RYR1: variants seen among roughly 807,000 people sequenced by gnomAD.
The protein encoded by RYR1 is ryanodine receptor 1.
Under a neutral mutation model 583.5 loss-of-function variants are expected in RYR1, and 342 were observed. The ratio of observed to expected loss-of-function variants is 0.59; its 90% CI spans 0.54 to 0.64. The LOEUF (loss-of-function observed/expected upper bound fraction) is 0.64, where lower values mean the gene tolerates loss of function less well. Among genes scored for constraint, RYR1 ranks in the 30% least tolerant of loss-of-function variants. The probability of loss-of-function intolerance (pLI) is 0.00; values close to 1 mark genes in which losing one functional copy is unlikely to be tolerated. For synonymous variants in RYR1, 2,791 were observed against 2,822.5 expected (o/e 0.99, Z 0.35); for missense variants, 6,032 against 6,917.2 (o/e 0.87, Z 4.54).
At chr19:38,562,080 C>G (rs1216263375) in intron 90 of RYR1, among the ~76,000 whole-genome samples, 2 of 151,788 alleles carry the variant, frequency 1.3e-5, no homozygotes, top group Non-Finnish European at 2.9e-5. Context: ...CCTGAGGATG[C>G]CAATGAGCCC....
chr19:38,440,664 T>TG (rs1972628644), intron 1 of RYR1, 81 bp from the exon 2 acceptor site: 2 of 1,534,212 alleles, frequency 1.3e-6, no homozygotes, highest in African/African-American at 2.7e-5. Flanking sequence ...AGGACCAGGG[T>TG]GGGAGGAGGG....
chr19:38,478,642 C>A, intron 31 of RYR1, 42 bp downstream of exon 31: 1 of 1,599,802 alleles, frequency 6.3e-7, no homozygotes, highest in Non-Finnish European at 8.5e-7. Flanking sequence ...CATCATGTCC[C>A]AGCATCCCAG....
chr19:38,469,076 T>C lies in RYR1; in HGVS notation c.3492T>C (p.Asn1164=). The C allele has an allele frequency of 1.2e-6, 2 of 1,614,172 alleles. No homozygotes were observed. The highest frequency in any genetic ancestry group is 8.5e-7 in the Non-Finnish European group (1 of 1,180,024). The change falls in exon 26 of 106, where the codon AAT becomes AAC. Residue 1164 remains asparagine, a synonymous_variant. Transcript: ENST00000359596. ...LTENTIIFTL[N]GEVLMSDSGS... ...AGAACACCATTATCTTCACCCTCAA[T>C]GGCGAGGTCCTCATGTCTGACTCAG...
chr19:38,489,968 C>A, intron 35 of RYR1, 108 bp from the exon 36 acceptor site: 1 of 1,160,820 alleles, frequency 8.6e-7, no homozygotes. Context: ...ATGATTTTGG[C>A]TGGACCTGGG....
chr19:38,506,712 G>T, intron 56 of RYR1, 117 bp from the exon 57 acceptor site: 3 of 1,526,130 alleles, frequency 2.0e-6, no homozygotes, highest in Non-Finnish European at 2.7e-6. Flanking sequence ...CAATGTTTCC[G>T]TTATTCGTAT....
chr19:38,453,089 C>T, intron 13 of RYR1, 75 bp downstream of exon 13: 1 of 1,466,370 alleles, frequency 6.8e-7, no homozygotes, highest in East Asian at 2.4e-5. Context: ...GGCCACGGCG[C>T]TGGGCGGGGC....
intron 33 of RYR1, among the ~76,000 whole-genome samples, chr19:38,484,786 A>G (rs1030223561): frequency 5.9e-5 from 9 of 152,088 alleles, no homozygotes; most frequent in African/African-American, 1.2e-4. Context: ...CAGGAAGCAC[A>G]GTGAGAACCC....
chr19:38,450,019 A>ACTG (rs1161099137), intron 11 of RYR1, among the ~76,000 whole-genome samples: 1 of 152,180 alleles, frequency 6.6e-6, no homozygotes, highest in African/African-American at 2.4e-5. Flanking sequence ...AGTGTGAGCC[A>ACTG]CTGCTCCTGG....
intron 54 of RYR1, 28 bp from the exon 55 acceptor site, chr19:38,506,275 A>T: frequency 4.3e-6 from 7 of 1,611,794 alleles, no homozygotes; most frequent in Non-Finnish European, 5.9e-6. Context: ...CCATCAGCCC[A>T]CCTCCCATCT....
chr19:38,498,421 C>T (rs1405737918), intron 42 of RYR1, among the ~76,000 whole-genome samples: 2 of 151,974 alleles, frequency 1.3e-5, no homozygotes, highest in East Asian at 1.9e-4. Flanking sequence ...TGGACAGAAC[C>T]GCTACAGGAA....
At chr19:38,546,303 A>C in intron 87 of RYR1, 142 bp from the exon 88 acceptor site, 1 of 710,128 alleles carries the variant, frequency 1.4e-6, no homozygotes, top group Non-Finnish European at 2.5e-6. Flanking sequence ...CTTCCGAGGA[A>C]CATGTCTGGA....
In RYR1 at chr19:38,493,448, GAA is replaced by G. The variant is rs1400936762; in HGVS notation, c.6274+814_6274+815del. Among the ~76,000 whole-genome samples, 3 of 151,912 alleles carry G rather than the reference GAA, an allele frequency of 2.0e-5. No individual in the cohort carries two copies. The East Asian group carries it at 5.8e-4, about 29-fold the overall frequency. On this transcript the variant is annotated intron_variant, in intron 38 of 105. Transcript: ENST00000359596. Reference sequence around the variant, plus strand: ...GGCCAGGCACTGTTACCAGGGCTGGGAAATACAGCCGAGGGGGGAAAGTCAAA... The same window carrying G: ...GGCCAGGCACTGTTACCAGGGCTGGGATACAGCCGAGGGGGGAAAGTCAAA...
At chr19:38,518,543 G>A (rs1156610087) in intron 66 of RYR1, among the ~76,000 whole-genome samples, 2 of 152,116 alleles carry the variant, frequency 1.3e-5, no homozygotes, top group Non-Finnish European at 2.9e-5. Flanking sequence ...ACAACCTTGG[G>A]GTCATAGCCA....
At chr19:38,537,789 C>G in intron 83 of RYR1, 91 bp from the exon 84 acceptor site, 3 of 1,148,580 alleles carry the variant, frequency 2.6e-6, no homozygotes, top group Non-Finnish European at 4.0e-6. Flanking sequence ...TTTGTGCATG[C>G]GTGTGCAGTG....
chr19:38,499,571 G>C lies in RYR1; in HGVS notation c.7028-64G>C. On this transcript the variant is annotated intron_variant, in intron 43 of 105. Transcript: ENST00000359596. This position sits in a 1 kb window ranked among gnomAD's most constrained non-coding sequence, Gnocchi z 7.3. The stretch of plus-strand genomic sequence containing the variant: ...TTACCCCTGGAGGTGTTGGGTCCTG[G>C]GGCTGCATGGGGAGGTCTCTGATGG... 1 of 1,565,734 alleles carries C rather than the reference G, an allele frequency of 6.4e-7. No individual in the cohort carries two copies. The highest frequency in any genetic ancestry group is 8.6e-7 in the Non-Finnish European group (1 of 1,156,200).
chr19:38,523,791 A>C (rs930172396), intron 69 of RYR1, 124 bp from the exon 70 acceptor site: 1 of 1,297,562 alleles, frequency 7.7e-7, no homozygotes, highest in Non-Finnish European at 1.1e-6. Flanking sequence ...GGAAATGCCC[A>C]GCTAGAGAAT....
In RYR1 at chr19:38,578,044, A is replaced by G. The variant is rs912334421; in HGVS notation, c.14299A>G (p.Thr4767Ala). 1 of 1,614,072 alleles carries G rather than the reference A, an allele frequency of 6.2e-7. No homozygotes were observed. Among genetic ancestry groups the G allele is most frequent in the African/African-American group, 1.3e-5 (1 of 75,036 alleles). Residue 4767 changes from threonine to alanine, a missense_variant, in exon 98 of 106, where the codon ACC becomes GCC. Physicochemically the swap from Thr to Ala is moderately conservative, Grantham distance 58. Coordinates refer to ENST00000359596, the MANE Select transcript of RYR1 (RefSeq NM_000540.3). ...GCCCAACCCGCCGCCAGGGCTGCTGACCTGGTGAGCCCAGGACACCCCTGC... is the reference window on the plus strand; with the variant it reads ...GCCCAACCCGCCGCCAGGGCTGCTGGCCTGGTGAGCCCAGGACACCCCTGC... ...RKPNPPPGLL[T>A]WLMSIDVKYQ...
intron 30 of RYR1, 101 bp downstream of exon 30, chr19:38,477,971 G>T: frequency 8.3e-7 from 1 of 1,210,516 alleles, no homozygotes. Context: ...GTGGGACCTA[G>T]GAACTTTCTG....
At chr19:38,448,260 G>C in intron 9 of RYR1, 95 bp from the exon 10 acceptor site, 1 of 1,391,702 alleles carries the variant, frequency 7.2e-7, no homozygotes, top group Non-Finnish European at 9.8e-7. Flanking sequence ...AGCAAGACCT[G>C]GTTTCTGTAA....
Sources: allele counts gnomAD v4.1 joint callset (sites outside exome capture counted in the v4.1 genomes callset), GRCh38; gene constraint gnomAD v4.1.1; non-coding constraint Gnocchi (gnomAD v3.1); transcripts MANE v1.5; gene names NCBI Gene and HGNC (gene_info 2026-07-23, HGNC 2026-07-21).